SNX2: variants seen among roughly 807,000 people sequenced by gnomAD.
SNX2 encodes sorting nexin 2, also known as sorting nexin-2.
Under a neutral mutation model 69.9 loss-of-function variants are expected in SNX2, and 25 were observed. The observed-to-expected ratio is 0.36, with a 90% CI of 0.26 to 0.50. The LOEUF is 0.50. SNX2 is among the 20% of genes least tolerant of loss of function. The pLI, the probability that SNX2 is intolerant of heterozygous loss-of-function variation, is 0.97. For synonymous variants in SNX2, 229 were observed against 200.4 expected (o/e 1.14, Z -1.20); for missense variants, 551 against 613.3 (o/e 0.90, Z 1.07).
At chr5:122,802,284 A>G (rs1414907288) in intron 5 of SNX2, among the ~76,000 whole-genome samples, 160 bp downstream of exon 5, 1 of 152,162 alleles carries the variant, frequency 6.6e-6, no homozygotes, top group Non-Finnish European at 1.5e-5. Context: ...GTGGTTTGAT[A>G]TGTAGTGTTC....
intron 1 of SNX2, among the ~76,000 whole-genome samples, chr5:122,789,235 A>T (rs1264172552): frequency 6.6e-6 from 1 of 152,122 alleles, no homozygotes; most frequent in African/African-American, 2.4e-5. Context: ...TGGGACTTTG[A>T]CAGTGACCTA....
chr5:122,778,360 C>T (rs150660892), intron 1 of SNX2, among the ~76,000 whole-genome samples: 3 of 152,052 alleles, frequency 2.0e-5, no homozygotes, highest in Non-Finnish European at 2.9e-5. Context: ...CTGAATCATC[C>T]GGTAGTTGTA....
At chr5:122,791,119 ATTTTT>A (rs71623268) in intron 1 of SNX2, among the ~76,000 whole-genome samples, 1 of 131,688 alleles carries the variant, frequency 7.6e-6, no homozygotes, top group Non-Finnish European at 1.6e-5. Flanking sequence ...GGCTATTTCA[ATTTTT>A]TTTTTTTTTT....
chr5:122,812,958 G>A (rs1050398683), intron 7 of SNX2, among the ~76,000 whole-genome samples: 1 of 152,170 alleles, frequency 6.6e-6, no homozygotes, highest in Non-Finnish European at 1.5e-5. Context: ...TTTCTGGTAA[G>A]TAAATAAGAA....
intron 10 of SNX2, among the ~76,000 whole-genome samples, chr5:122,818,172 A>C (rs17450393): frequency 0.026 from 3,968 of 152,232 alleles, 90 homozygotes; most frequent in Non-Finnish European, 0.037. Flanking sequence ...AGAGCAACGG[A>C]GCAGTTTCCA....
At chr5:122,804,133 A>AAT (rs77493569) in intron 6 of SNX2, among the ~76,000 whole-genome samples, 1 of 152,006 alleles carries the variant, frequency 6.6e-6, no homozygotes, top group African/African-American at 2.4e-5. Flanking sequence ...TCAAAAAAAA[A>AAT]ATTGGGTTGA....
rs1322978209 is a variant in SNX2, at chr5:122,781,655, T to C, written c.108+6444T>C. 1.3e-5 allele frequency among the ~76,000 whole-genome samples: 2 copies of C among 152,310 alleles called. 1 individual carries two copies. Among genetic ancestry groups the C allele is most frequent in the South Asian group, 4.1e-4 (2 of 4,828 alleles). ...GACTAAGAATGACAGTTTTTCCATA[T>C]CCTTGTCAGCACTTGTTATTATCAA... On this transcript the variant is annotated intron_variant, in intron 1 of 14. Coordinates refer to ENST00000379516, the MANE Select transcript of SNX2 (RefSeq NM_003100.4).
intron 1 of SNX2, among the ~76,000 whole-genome samples, chr5:122,776,820 G>T (rs1752867477): frequency 6.6e-6 from 1 of 152,156 alleles, no homozygotes; most frequent in Non-Finnish European, 1.5e-5. Flanking sequence ...ACTATAATCT[G>T]TATTTCCCAT....
At chr5:122,829,231 G>A (rs1249987073) in intron 14 of SNX2, among the ~76,000 whole-genome samples, 1 of 151,910 alleles carries the variant, frequency 6.6e-6, no homozygotes, top group Non-Finnish European at 1.5e-5. Context: ...TTGAGATGGA[G>A]TCTTGCTCTG....
At chr5:122,822,221 GCTGGGA>G (rs1754040991) in intron 11 of SNX2, among the ~76,000 whole-genome samples, 1 of 152,174 alleles carries the variant, frequency 6.6e-6, no homozygotes. Context: ...CTCCCGAGTA[GCTGGGA>G]CTATAGGCGT....
At chr5:122,827,176 T>G in intron 12 of SNX2, 2 of 560,798 alleles carry the variant, frequency 3.6e-6, no homozygotes, top group Non-Finnish European at 6.3e-6. Flanking sequence ...TGAGCAAATC[T>G]GTGGAATATT....
At chr5:122,780,573 TTTC>T (rs1340666207) in intron 1 of SNX2, among the ~76,000 whole-genome samples, 9 of 130,616 alleles carry the variant, frequency 6.9e-5, no homozygotes, top group South Asian at 2.4e-4. Context: ...TTTCTTTTCT[TTTC>T]TTTTTTTTTT....
intron 6 of SNX2, among the ~76,000 whole-genome samples, chr5:122,807,449 C>T (rs560770207): frequency 1.3e-5 from 2 of 152,148 alleles, no homozygotes; most frequent in African/African-American, 4.8e-5. Context: ...CTTTCTTTCT[C>T]TAAGTATTTA....
intron 7 of SNX2, among the ~76,000 whole-genome samples, chr5:122,813,838 A>G (rs947877812): frequency 1.2e-4 from 17 of 145,748 alleles, no homozygotes; most frequent in African/African-American, 4.1e-4. Context: ...CAATGGTGCA[A>G]TCTCGGCTCA....
At position 122,808,287 on chromosome 5, in the gene SNX2, G is replaced by A. The variant is rs751312739; in HGVS notation, c.654G>A (p.Lys218=). 2 of 1,607,612 alleles carry A rather than the reference G, an allele frequency of 1.2e-6. No individual in the cohort carries two copies. Among genetic ancestry groups the A allele is most frequent in the Non-Finnish European group, 1.7e-6 (2 of 1,177,200 alleles). ...TCAACTTCTTCAAAGGGATGACCAA[G>A]GTCAAAGTGGGTAAAGAAGACTCAT... ...APEKSIVGMT[K]VKVGKEDSSS... The change falls in exon 7 of 15, where the codon AAG becomes AAA. Residue 218 remains lysine (K), a synonymous_variant. Coordinates refer to ENST00000379516, the MANE Select transcript of SNX2 (RefSeq NM_003100.4).
intron 2 of SNX2, chr5:122,795,634 G>A: frequency 3.3e-6 from 1 of 302,442 alleles, no homozygotes; most frequent in African/African-American, 2.2e-5. Flanking sequence ...TTGATTGGGG[G>A]CAGTATTTAG....
chr5:122,788,412 T>A (rs1047536289), intron 1 of SNX2, among the ~76,000 whole-genome samples: 3 of 152,190 alleles, frequency 2.0e-5, no homozygotes, highest in Non-Finnish European at 4.4e-5. Context: ...AATCTGTAAG[T>A]TTATATCGTT....
At chr5:122,791,525 G>A (rs1336139609) in intron 1 of SNX2, among the ~76,000 whole-genome samples, 6 of 152,170 alleles carry the variant, frequency 3.9e-5, no homozygotes, top group African/African-American at 1.4e-4. Context: ...CAAGTGGTAC[G>A]CCTGCCTTGG....
intron 1 of SNX2, among the ~76,000 whole-genome samples, chr5:122,794,175 G>T (rs975027942): frequency 3.3e-5 from 5 of 151,940 alleles, no homozygotes; most frequent in African/African-American, 1.2e-4. Context: ...GCCGGGCATG[G>T]TGGTGCATGC....
Sources: gnomAD v4.1 joint callset for allele counts (sites outside exome capture counted in the v4.1 genomes callset) on GRCh38, gnomAD v4.1.1 for gene constraint, MANE v1.5 for transcripts, NCBI Gene and HGNC (gene_info 2026-07-23, HGNC 2026-07-21) for gene names.